The following EIF4E3 variants were observed in gnomAD, a reference collection of about 807,000 sequenced individuals.
The protein encoded by EIF4E3 is eukaryotic translation initiation factor 4E family member 3, also known as eukaryotic translation initiation factor 4E type 3.
A neutral mutation model predicts 31.7 loss-of-function variants in EIF4E3; 26 were observed. The ratio of observed to expected loss-of-function variants is 0.82; its 90% CI spans 0.60 to 1.14. EIF4E3 has a LOEUF of 1.14. Among genes scored for constraint, EIF4E3 ranks in the 50% most tolerant of loss-of-function variants. The pLI is 0.00. For missense variants in EIF4E3, 304 were observed against 270.9 expected (o/e 1.12, Z -0.86); for synonymous variants, 128 against 107.7 (o/e 1.19, Z -1.17).
rs2049096597 is a variant in EIF4E3 at position 71,693,863 on chromosome 3, G to A, written c.472+12C>T. On this transcript the variant is annotated intron_variant, in intron 5 of 6. Transcript: ENST00000425534. ...ACGAGGCAGGGCCGGCCGGAGCCGT[G>A]GGCTGCTTTACCTGCTGCGGCACAG... 6.5e-7 allele frequency: 1 copy of A among 1,545,272 alleles called. No individual in the cohort carries two copies. Among genetic ancestry groups the A allele is most frequent in the African/African-American group, 1.4e-5 (1 of 73,142 alleles).
intron 1 of EIF4E3, among the ~76,000 whole-genome samples, chr3:71,719,762 C>T (rs1450169896): frequency 6.6e-6 from 1 of 151,964 alleles, no homozygotes; most frequent in Non-Finnish European, 1.5e-5. Flanking sequence ...GCCTCTAATC[C>T]CAGCACTTTG....
At chr3:71,713,676 A>G (rs2049416345) in intron 1 of EIF4E3, among the ~76,000 whole-genome samples, 1 of 152,104 alleles carries the variant, frequency 6.6e-6, no homozygotes, top group Non-Finnish European at 1.5e-5. Flanking sequence ...GCCTTAAGTG[A>G]TCCCACTGCT....
At chr3:71,735,418 T>G (rs1359267239) in intron 1 of EIF4E3, among the ~76,000 whole-genome samples, 2 of 152,192 alleles carry the variant, frequency 1.3e-5, no homozygotes, top group African/African-American at 2.4e-5. Context: ...AATACCTCCA[T>G]CTATCATGGG....
chr3:71,729,936 AGG>A (rs1277830279), upstream of EIF4E3, among the ~76,000 whole-genome samples: 3 of 152,088 alleles, frequency 2.0e-5, no homozygotes, highest in African/African-American at 7.2e-5. Flanking sequence ...TCCTGTTTAC[AGG>A]GTGTGATACT....
chr3:71,714,743 T>C (rs181483890), intron 1 of EIF4E3, among the ~76,000 whole-genome samples: 3 of 152,358 alleles, frequency 2.0e-5, no homozygotes, highest in Admixed American at 2.0e-4. Flanking sequence ...CTGGACTTGC[T>C]GATTCAAAAT....
chr3:71,695,801 C>CT (rs1328783422), intron 4 of EIF4E3, among the ~76,000 whole-genome samples: 2 of 152,134 alleles, frequency 1.3e-5, no homozygotes, highest in Non-Finnish European at 2.9e-5. Context: ...TTCAAAGAAG[C>CT]TTTTTAGTTT....
At chr3:71,729,340 G>A (rs376277968), upstream of EIF4E3, 3 of 152,372 alleles carry the variant, frequency 2.0e-5, no homozygotes, top group African/African-American at 7.2e-5. Context: ...CACAGAGTTA[G>A]CTAGTGACAT....
chr3:71,708,585 T>G (rs188910127), intron 2 of EIF4E3, among the ~76,000 whole-genome samples: 196 of 152,168 alleles, frequency 1.3e-3, no homozygotes, highest in African/African-American at 4.2e-3. Context: ...GGTTATCTCG[T>G]GGGGTCAGGA....
At chr3:71,744,658 T>A (rs933935782) in intron 1 of EIF4E3, among the ~76,000 whole-genome samples, 120 of 152,262 alleles carry the variant, frequency 7.9e-4, no homozygotes, top group Non-Finnish European at 3.2e-4. Context: ...GGCAGAAGAA[T>A]CACTTGAACC....
intron 1 of EIF4E3, among the ~76,000 whole-genome samples, chr3:71,713,566 A>G (rs2049414683): frequency 1.3e-5 from 2 of 152,048 alleles, no homozygotes; most frequent in South Asian, 4.1e-4. Context: ...CCTTCCAAGT[A>G]GCTGGGACTA....
At chr3:71,667,502 C>G in the EIF4E3 span, among the ~76,000 whole-genome samples, 1 of 152,074 alleles carries the variant, frequency 6.6e-6, no homozygotes, top group Admixed American at 6.5e-5. Context: ...TTAGAAAACC[C>G]CCCATTGTCT....
chr3:71,669,986 C>T, the EIF4E3 span, among the ~76,000 whole-genome samples: 1 of 152,190 alleles, frequency 6.6e-6, no homozygotes, highest in East Asian at 1.9e-4. Context: ...ACAACACTGA[C>T]AAGAACAACT....
intron 1 of EIF4E3, among the ~76,000 whole-genome samples, chr3:71,718,006 C>T (rs1299467233): frequency 1.3e-5 from 2 of 152,184 alleles, no homozygotes; most frequent in African/African-American, 2.4e-5. Context: ...TAAATGTTTG[C>T]TGAAAAAACC....
chr3:71,689,919 A>T (rs949642), intron 6 of EIF4E3, 91 bp downstream of exon 6: 1 of 1,210,402 alleles, frequency 8.3e-7, no homozygotes. Context: ...TTTCAAGTAA[A>T]TCTGCCTTCA....
At chr3:71,747,282 C>T (rs1028458054) in intron 1 of EIF4E3, among the ~76,000 whole-genome samples, 3 of 152,206 alleles carry the variant, frequency 2.0e-5, no homozygotes, top group Non-Finnish European at 2.9e-5. Context: ...CATATCATCA[C>T]CAACACCTGT....
At chr3:71,728,253 A>G (rs956964006), upstream of EIF4E3, among the ~76,000 whole-genome samples, 2 of 152,238 alleles carry the variant, frequency 1.3e-5, no homozygotes, top group African/African-American at 4.8e-5. Context: ...AATGGTCACA[A>G]CTTTCATTCC....
chr3:71,691,719 A>C (rs891446620), intron 5 of EIF4E3, among the ~76,000 whole-genome samples: 1 of 152,248 alleles, frequency 6.6e-6, no homozygotes, highest in African/African-American at 2.4e-5. Context: ...TAAACAAAAG[A>C]GTCAAAAAAC....
At position 71,676,780 on chromosome 3, in the gene EIF4E3, C is replaced by G. The variant is rs2048877867; in HGVS notation, c.*7902G>C. The G allele has an allele frequency of 6.6e-6, 1 of 151,918 alleles. No homozygotes were observed. Among genetic ancestry groups the G allele is most frequent in the Non-Finnish European group, 1.5e-5 (1 of 67,964 alleles). The allele number at this position is 151,918 out of a possible 1,614,324, so 9.4% of individuals were successfully genotyped here. Reference sequence around the variant, plus strand: ...AAAAAATTCTGAAAAACAGTCTTGTCCTTTATAACTTGACTATCTTCATGA... The same window carrying G: ...AAAAAATTCTGAAAAACAGTCTTGTGCTTTATAACTTGACTATCTTCATGA... On this transcript the variant is annotated 3_prime_UTR_variant, in exon 7 of 7. Transcript: ENST00000425534.
intron 6 of EIF4E3, among the ~76,000 whole-genome samples, chr3:71,687,554 C>T (rs1578333275): frequency 1.3e-5 from 2 of 152,178 alleles, no homozygotes; most frequent in East Asian, 3.8e-4. Flanking sequence ...CAGATTTGGG[C>T]TCCAGCTTCC....
Sources: gnomAD v4.1 joint callset for allele counts (sites outside exome capture counted in the v4.1 genomes callset) on GRCh38, gnomAD v4.1.1 for gene constraint, MANE v1.5 for transcripts, NCBI Gene and HGNC (gene_info 2026-07-23, HGNC 2026-07-21) for gene names.